MAGI3: variants seen among roughly 807,000 people sequenced by gnomAD.
MAGI3 encodes the protein membrane-associated guanylate kinase, WW and PDZ domain-containing protein 3.
A neutral mutation model predicts 121.8 loss-of-function variants in MAGI3; 43 were observed. That is an observed-to-expected ratio of 0.35 (90% confidence interval 0.28 to 0.46). The LOEUF (loss-of-function observed/expected upper bound fraction) is 0.46, where lower values mean the gene tolerates loss of function less well. MAGI3 is among the 20% of genes least tolerant of loss of function. The pLI, the probability that MAGI3 is intolerant of heterozygous loss-of-function variation, is 1.00. For missense variants in MAGI3, 1,547 were observed against 1,797.3 expected (o/e 0.86, Z 2.52); for synonymous variants, 553 against 639.3 (o/e 0.86, Z 2.04).
chr1:113,611,801 A>G (rs560549191), intron 6 of MAGI3, among the ~76,000 whole-genome samples: 24 of 152,318 alleles, frequency 1.6e-4, no homozygotes, highest in Middle Eastern at 3.4e-3. Flanking sequence ...GCTTGTTCAT[A>G]AAATTCATTT....
chr1:113,456,556 C>T (rs1654767815), intron 1 of MAGI3, among the ~76,000 whole-genome samples: 2 of 152,074 alleles, frequency 1.3e-5, no homozygotes, highest in South Asian at 4.2e-4. Flanking sequence ...TCAGATTCAG[C>T]AGGATATTAA....
In MAGI3 at chr1:113,559,557, C is replaced by T. The variant is rs529116385; in HGVS notation, c.433+9926C>T. Among the ~76,000 whole-genome samples, 7 of 151,944 alleles carry T rather than the reference C, an allele frequency of 4.6e-5. No homozygotes were observed. The East Asian group carries it at 1.2e-3, about 25-fold the overall frequency. On this transcript the variant is annotated intron_variant, in intron 2 of 20. Transcript: ENST00000307546. ...CTCCCGATACAGGAGCACCCAGATT[C>T]ATAAAGTTCCTTTTTTTTGTTTTTT...
intron 9 of MAGI3, among the ~76,000 whole-genome samples, chr1:113,641,018 AT>A (rs1652447300): frequency 3.3e-5 from 1 of 30,288 alleles, no homozygotes; most frequent in African/African-American, 1.3e-4. Context: ...TATATATGAT[AT>A]ATAATATATA....
At chr1:113,660,019 A>G (rs747662879) in intron 16 of MAGI3, among the ~76,000 whole-genome samples, 4 of 152,142 alleles carry the variant, frequency 2.6e-5, no homozygotes, top group Admixed American at 6.5e-5. Context: ...ATGTGTATTC[A>G]TGTTCCATTT....
chr1:113,486,662 T>C (rs1656395585), intron 1 of MAGI3, among the ~76,000 whole-genome samples: 1 of 151,146 alleles, frequency 6.6e-6, no homozygotes. Flanking sequence ...TTTTTTTTTT[T>C]TTTTTTTGAG....
intron 1 of MAGI3, among the ~76,000 whole-genome samples, chr1:113,475,206 T>C (rs1277350277): frequency 6.6e-6 from 1 of 152,132 alleles, no homozygotes; most frequent in Non-Finnish European, 1.5e-5. Context: ...AACTTCCTCA[T>C]TTCTGAACCG....
At chr1:113,569,069 G>A (rs1461161910) in intron 2 of MAGI3, among the ~76,000 whole-genome samples, 1 of 151,992 alleles carries the variant, frequency 6.6e-6, no homozygotes, top group South Asian at 2.1e-4. Context: ...CATGTGATTG[G>A]CACATATGTA....
chr1:113,650,927 G>C (rs1653124826), intron 13 of MAGI3, 87 bp from the exon 14 acceptor site: 5 of 1,205,696 alleles, frequency 4.1e-6, no homozygotes, highest in South Asian at 2.7e-5. Flanking sequence ...AAAATCTGTT[G>C]GTTTGCACAA....
chr1:113,459,670 T>C (rs898600150), intron 1 of MAGI3, among the ~76,000 whole-genome samples: 2 of 152,226 alleles, frequency 1.3e-5, no homozygotes, highest in African/African-American at 4.8e-5. Flanking sequence ...TTTTCTTCTC[T>C]TTGCCATTAT....
At chr1:113,673,923 C>T (rs573533083) in intron 19 of MAGI3, among the ~76,000 whole-genome samples, 19 of 152,284 alleles carry the variant, frequency 1.2e-4, no homozygotes, top group African/African-American at 4.3e-4. Context: ...TGGCTCTCAA[C>T]ATTTCTTATT....
chr1:113,480,996 C>T (rs1656085807), intron 1 of MAGI3, among the ~76,000 whole-genome samples: 1 of 152,218 alleles, frequency 6.6e-6, no homozygotes, highest in Admixed American at 6.5e-5. Context: ...TCTCAATATA[C>T]TACTATTTAA....
intron 1 of MAGI3, among the ~76,000 whole-genome samples, chr1:113,504,823 ATAAAT>A (rs1161723549): frequency 1.3e-5 from 2 of 152,078 alleles, no homozygotes; most frequent in Non-Finnish European, 2.9e-5. Context: ...GGATGGGTAA[ATAAAT>A]TATAGTATAT....
intron 20 of MAGI3, chr1:113,682,661 T>C: frequency 7.2e-6 from 7 of 977,352 alleles, no homozygotes; most frequent in Non-Finnish European, 8.5e-6. Context: ...TTATATGTAA[T>C]TGGAAAAAAT....
intron 7 of MAGI3, among the ~76,000 whole-genome samples, chr1:113,616,548 T>A (rs1264477331): frequency 6.6e-6 from 1 of 152,198 alleles, no homozygotes; most frequent in Non-Finnish European, 1.5e-5. Context: ...ACTGCAGTGG[T>A]AGTTTTTCTT....
At chr1:113,468,458 A>G (rs1334884322) in intron 1 of MAGI3, among the ~76,000 whole-genome samples, 1 of 152,184 alleles carries the variant, frequency 6.6e-6, no homozygotes, top group African/African-American at 2.4e-5. Context: ...GATCACAAAG[A>G]ACTGAAGTTT....
chr1:113,493,319 AG>A (rs1656755819), intron 1 of MAGI3, among the ~76,000 whole-genome samples: 1 of 152,186 alleles, frequency 6.6e-6, no homozygotes, highest in African/African-American at 2.4e-5. Flanking sequence ...AAATGGTGCT[AG>A]ATAACTGACT....
At chr1:113,570,831 A>G (rs1299348742) in intron 2 of MAGI3, among the ~76,000 whole-genome samples, 2 of 152,068 alleles carry the variant, frequency 1.3e-5, no homozygotes, top group African/African-American at 4.8e-5. Context: ...ATTTTCTCCC[A>G]TTCTATAGGT....
At chr1:113,659,788 TC>T (rs1311068700) in intron 16 of MAGI3, among the ~76,000 whole-genome samples, 1 of 152,212 alleles carries the variant, frequency 6.6e-6, no homozygotes, top group Non-Finnish European at 1.5e-5. Flanking sequence ...CCGTGGAGTC[TC>T]CCAAACATGT....
chr1:113,510,131 T>C (rs1055530206), intron 1 of MAGI3, among the ~76,000 whole-genome samples: 16 of 152,260 alleles, frequency 1.1e-4, no homozygotes, highest in African/African-American at 3.9e-4. Context: ...ATGAGAGTTA[T>C]GGTTTCTGTT....
Sources: allele counts gnomAD v4.1 joint callset (sites outside exome capture counted in the v4.1 genomes callset), GRCh38; gene constraint gnomAD v4.1.1; transcripts MANE v1.5; gene names NCBI Gene and HGNC (gene_info 2026-07-23, HGNC 2026-07-21).